DMXL2: variants seen among roughly 807,000 people sequenced by gnomAD.
The protein encoded by DMXL2 is Dmx like 2, also known as dmX-like protein 2.
DMXL2 carries 103 observed loss-of-function variants against 331.1 expected under a neutral mutation model. The observed-to-expected ratio is 0.31, with a 90% CI of 0.27 to 0.37. The LOEUF (loss-of-function observed/expected upper bound fraction) is 0.37. Ranked by LOEUF, DMXL2 falls within the 10% of genes least tolerant of loss-of-function variation. The pLI, the probability that DMXL2 is intolerant of heterozygous loss-of-function variation, is 1.00. For missense variants in DMXL2, 3,171 were observed against 3,642.9 expected, an observed-to-expected ratio of 0.87 and a Z score of 3.33; for synonymous variants, 1,281 against 1,252.1, an observed-to-expected ratio of 1.02 and a Z score of -0.49.
intron 33 of DMXL2, chr15:51,460,298 G>T (rs1365907276): frequency 2.0e-6 from 2 of 985,316 alleles, no homozygotes; most frequent in African/African-American, 1.7e-5. Context: ...ACCTTTTCAG[G>T]TGACTGCCTT....
intron 1 of DMXL2, among the ~76,000 whole-genome samples, chr15:51,620,363 T>G (rs573005563): frequency 6.6e-6 from 1 of 152,294 alleles, no homozygotes; most frequent in African/African-American, 2.4e-5. Context: ...CTAAACCACG[T>G]AAATTTTGAG....
At chr15:51,533,311 G>A (rs937565599) in intron 13 of DMXL2, among the ~76,000 whole-genome samples, 7 of 152,034 alleles carry the variant, frequency 4.6e-5, no homozygotes, top group Non-Finnish European at 1.0e-4. Flanking sequence ...GTGAGTCACC[G>A]TGCCTGGCTA....
chr15:51,547,156 A>G, intron 7 of DMXL2, 74 bp downstream of exon 7: 1 of 1,356,792 alleles, frequency 7.4e-7, no homozygotes, highest in Non-Finnish European at 9.9e-7. Flanking sequence ...CATGTAAATA[A>G]AAGGACTTTA....
At chr15:51,454,810 T>C (rs2039478655) in intron 40 of DMXL2, among the ~76,000 whole-genome samples, 1 of 152,132 alleles carries the variant, frequency 6.6e-6, no homozygotes, top group South Asian at 2.1e-4. Flanking sequence ...TGATTCTTAA[T>C]GACAGAATTT....
Position 51,499,312 on chromosome 15 carries a change from ATTAGAT to A in DMXL2, c.3906_3911del (p.Lys1302_Ser1303del). On this transcript the variant is annotated inframe_deletion, in exon 18 of 44. Coordinates refer to ENST00000560891, the MANE Select transcript of DMXL2 (RefSeq NM_001378457.1). The stretch of plus-strand genomic sequence containing the variant: ...CAACAACACTTTTTCTTGCCAGCAT[ATTAGAT>A]TTAAAGGTCGAATGATCTTGCATTG... 4 of 1,614,010 alleles carry A rather than the reference ATTAGAT, an allele frequency of 2.5e-6. No individual in the cohort carries two copies. Among genetic ancestry groups the A allele is most frequent in the Non-Finnish European group, 2.5e-6 (3 of 1,180,032 alleles).
intron 36 of DMXL2, 25 bp downstream of exon 36, chr15:51,458,480 TA>T (rs2039845864): frequency 6.2e-7 from 1 of 1,606,650 alleles, no homozygotes; most frequent in Non-Finnish European, 8.5e-7. Context: ...CAGAAAACTA[TA>T]TGTAAAAGTG....
intron 1 of DMXL2, among the ~76,000 whole-genome samples, chr15:51,621,696 C>A (rs1165909711): frequency 6.6e-6 from 1 of 152,132 alleles, no homozygotes; most frequent in African/African-American, 2.4e-5. Flanking sequence ...TATACATACA[C>A]TTTTCTCAAA....
intron 23 of DMXL2, among the ~76,000 whole-genome samples, chr15:51,484,984 A>G (rs1428591507): frequency 6.6e-6 from 1 of 151,774 alleles, no homozygotes; most frequent in Non-Finnish European, 1.5e-5. Flanking sequence ...CGAGCAGAAG[A>G]AAGAATTTCT....
chr15:51,590,067 G>T (rs1019579371), intron 1 of DMXL2, among the ~76,000 whole-genome samples: 5 of 152,202 alleles, frequency 3.3e-5, no homozygotes, highest in African/African-American at 1.2e-4. Context: ...TGAAAGAGCA[G>T]CCCTGGCAGA....
intron 26 of DMXL2, 115 bp from the exon 27 acceptor site, chr15:51,476,834 T>C (rs1274955949): frequency 2.8e-6 from 2 of 706,852 alleles, no homozygotes; most frequent in Admixed American, 3.4e-5. Flanking sequence ...TTAAAATGCA[T>C]TCACTGTTCT....
In DMXL2 at chr15:51,499,807, G is replaced by A. The variant is rs781265935; in HGVS notation, c.3417C>T (p.Val1139=). Residue 1139 remains valine (V), a synonymous_variant, in exon 18 of 44, where the codon GTC becomes GTT. Transcript: ENST00000560891. The part of the protein sequence containing the change: ...VKVGSVLDSR[V]SVDSNLFVYS... ...ACACAAACAGATTACTGTCGACGCT[G>A]ACCCTTGAATCAAGTACACTCCCAA... 6.2e-7 allele frequency: 1 copy of A among 1,614,148 alleles called. No homozygotes were observed. The highest frequency in any genetic ancestry group is 1.1e-5 in the South Asian group (1 of 91,076).
intron 1 of DMXL2, among the ~76,000 whole-genome samples, chr15:51,607,235 T>C (rs965475311): frequency 2.0e-5 from 3 of 151,268 alleles, no homozygotes; most frequent in Admixed American, 6.6e-5. Flanking sequence ...GGCAGGCGGA[T>C]CACAAGGTCA....
Position 51,481,207 on chromosome 15 carries a change from C to T in DMXL2, c.5899G>A (p.Val1967Ile), listed in dbSNP as rs1400624762. 6.2e-7 allele frequency: 1 copy of T among 1,613,970 alleles called. No homozygotes were observed. The highest frequency in any genetic ancestry group is 2.2e-5 in the East Asian group (1 of 44,866). ...SSQYDWSQPI[V>I]KVDEEPLNLD... ...TTAAGAGGTTCCTCATCAACTTTTA[C>T]TATTGGCTGACTCCAGTCATACTGT... The change falls in exon 24 of 44, where the codon GTA becomes ATA. Residue 1967 changes from valine to isoleucine, a missense_variant. Physicochemically the swap from Val to Ile is conservative, Grantham distance 29 (BLOSUM62 3). Around this residue, in one of 7 missense-constraint regions of DMXL2, gnomAD observed 244 missense variants for 251.4 expected, o/e 0.97. Transcript: ENST00000560891.
intron 1 of DMXL2, among the ~76,000 whole-genome samples, chr15:51,601,680 T>C (rs2053239678): frequency 6.6e-6 from 1 of 152,240 alleles, no homozygotes; most frequent in South Asian, 2.1e-4. Flanking sequence ...CTTGAGCTGG[T>C]AGAAGTCTTC....
chr15:51,466,048 G>A, intron 30 of DMXL2, 136 bp downstream of exon 30: 1 of 787,582 alleles, frequency 1.3e-6, no homozygotes, highest in Non-Finnish European at 1.9e-6. Context: ...CAAAGGTGTA[G>A]AATTTGTAAC....
At position 51,485,079 on chromosome 15, in the gene DMXL2, A is replaced by T. The variant is rs150406489; in HGVS notation, c.5482+994T>A. ...AAGAAGGAGGAACAGAAAAAAAAGAATGAAGAAAGCCTACAGGATTTATGG... is the reference window on the plus strand; with the variant it reads ...AAGAAGGAGGAACAGAAAAAAAAGATTGAAGAAAGCCTACAGGATTTATGG... On this transcript the variant is annotated intron_variant, in intron 23 of 43. Coordinates refer to ENST00000560891, the MANE Select transcript of DMXL2 (RefSeq NM_001378457.1). 3.9e-3 allele frequency among the ~76,000 whole-genome samples: 585 copies of T among 151,920 alleles called. 2 individuals carry two copies. The highest frequency in any genetic ancestry group is 0.012 in the African/African-American group (516 of 41,468).
Position 51,603,009 on chromosome 15 carries a change from G to C in DMXL2, c.87+19450C>G, listed in dbSNP as rs376970593. ...GACAAAGATGTTAAAATGGCTAGTA[G>C]AAAAATGTTTAAAGAAGTGTGGGCA... On this transcript the variant is annotated intron_variant, in intron 1 of 43. Transcript: ENST00000560891. Among the ~76,000 whole-genome samples the C allele has an allele frequency of 1.2e-4, 19 of 152,252 alleles. No homozygotes were observed. In the East Asian group the frequency reaches 2.3e-3, roughly 19 times the overall value.
intron 1 of DMXL2, among the ~76,000 whole-genome samples, chr15:51,618,245 G>C (rs1001605867): frequency 2.0e-5 from 3 of 151,562 alleles, no homozygotes; most frequent in Admixed American, 2.0e-4. Flanking sequence ...TTTTACTCTC[G>C]TATTAGACTA....
At chr15:51,508,442 G>A (rs938050943) in intron 15 of DMXL2, among the ~76,000 whole-genome samples, 14 of 152,104 alleles carry the variant, frequency 9.2e-5, no homozygotes, top group African/African-American at 2.9e-4. Flanking sequence ...TTACAATAAT[G>A]AGGTTATGTC....
Sources: allele counts gnomAD v4.1 joint callset (sites outside exome capture counted in the v4.1 genomes callset), GRCh38; gene constraint gnomAD v4.1.1; regional missense constraint gnomAD v4.1.1; transcripts MANE v1.5; gene names NCBI Gene and HGNC (gene_info 2026-07-23, HGNC 2026-07-21).